Variants in CSTPP1 observed in about 807,000 individuals in gnomAD.
CSTPP1 encodes the protein centriolar satellite-associated tubulin polyglutamylase complex regulator 1, also known as UPF0705 protein C11orf49.
chr11:47,141,647 G>C, the CSTPP1 span, among the ~76,000 whole-genome samples: 1 of 149,264 alleles, frequency 6.7e-6, no homozygotes, highest in Admixed American at 6.7e-5. Flanking sequence ...TGTATATGTG[G>C]TCTTGGCCAG....
the CSTPP1 span, among the ~76,000 whole-genome samples, chr11:47,071,982 G>T: frequency 6.6e-6 from 1 of 152,226 alleles, no homozygotes. Context: ...CCCACTCTGT[G>T]GGAGAGGTTC....
At chr11:46,977,575 C>G in the CSTPP1 span, among the ~76,000 whole-genome samples, 5 of 152,196 alleles carry the variant, frequency 3.3e-5, no homozygotes, top group African/African-American at 9.7e-5. Flanking sequence ...CTTACTGGCC[C>G]TGCCATGCAA....
the CSTPP1 span, among the ~76,000 whole-genome samples, chr11:47,016,399 A>C: frequency 1.3e-3 from 25 of 19,632 alleles, no homozygotes; most frequent in Non-Finnish European, 2.4e-3. Context: ...ACAAAAAACA[A>C]AAAACAAAAA....
chr11:47,051,162 T>C, the CSTPP1 span, among the ~76,000 whole-genome samples: 4,323 of 152,090 alleles, frequency 0.028, 182 homozygotes, highest in African/African-American at 0.097. Context: ...TTACCATCGT[T>C]CCCCCCATTG....
chr11:47,091,540 T>C, the CSTPP1 span, among the ~76,000 whole-genome samples: 1 of 152,196 alleles, frequency 6.6e-6, no homozygotes, highest in Non-Finnish European at 1.5e-5. Context: ...TATACCTCCT[T>C]ATATATTTTC....
chr11:46,997,516 C>T, the CSTPP1 span, among the ~76,000 whole-genome samples: 7 of 152,300 alleles, frequency 4.6e-5, no homozygotes, highest in East Asian at 3.9e-4. Flanking sequence ...TCCTTTAGCT[C>T]GGAGAAGTTT....
the CSTPP1 span, among the ~76,000 whole-genome samples, chr11:47,088,765 C>T: frequency 6.6e-6 from 1 of 152,044 alleles, no homozygotes; most frequent in Non-Finnish European, 1.5e-5. Flanking sequence ...AGGCTGGTCT[C>T]GAACTCCTGA....
At chr11:47,052,253 T>C in the CSTPP1 span, 5 of 1,147,512 alleles carry the variant, frequency 4.4e-6, no homozygotes, top group Non-Finnish European at 6.1e-6. Context: ...CTAGGTCTAA[T>C]CTAGAGTTCA....
the CSTPP1 span, among the ~76,000 whole-genome samples, chr11:47,000,684 T>G: frequency 6.6e-6 from 1 of 152,160 alleles, no homozygotes; most frequent in Non-Finnish European, 1.5e-5. Context: ...TCTGTGCCTG[T>G]GTGTACTATG....
At chr11:47,093,355 A>C in the CSTPP1 span, among the ~76,000 whole-genome samples, 1 of 152,332 alleles carries the variant, frequency 6.6e-6, no homozygotes, top group African/African-American at 2.4e-5. Flanking sequence ...GACTTAATAC[A>C]ATAAGAACAG....
the CSTPP1 span, among the ~76,000 whole-genome samples, chr11:47,055,491 T>G: frequency 1.2e-3 from 187 of 152,164 alleles, no homozygotes; most frequent in African/African-American, 4.2e-3. Flanking sequence ...ACTGTAACTT[T>G]TCTAAATAGC....
the CSTPP1 span, among the ~76,000 whole-genome samples, chr11:47,022,358 C>CTTTT: frequency 2.1e-5 from 1 of 48,754 alleles, no homozygotes; most frequent in East Asian, 4.0e-4. Flanking sequence ...TTCATATGTC[C>CTTTT]TTTTTTTTTT....
chr11:47,146,833 T>G, the CSTPP1 span, among the ~76,000 whole-genome samples: 2 of 152,222 alleles, frequency 1.3e-5, no homozygotes, highest in Non-Finnish European at 2.9e-5. Flanking sequence ...TGGAATTCTT[T>G]CCAGCAGCTA....
At chr11:47,068,337 A>G in the CSTPP1 span, among the ~76,000 whole-genome samples, 2 of 152,186 alleles carry the variant, frequency 1.3e-5, no homozygotes, top group East Asian at 3.9e-4. Context: ...TTCAAGACCA[A>G]CCTGGCCAAC....
the CSTPP1 span, among the ~76,000 whole-genome samples, chr11:47,097,713 C>CTT: frequency 1.3e-5 from 1 of 79,004 alleles, no homozygotes; most frequent in Non-Finnish European, 2.8e-5. Context: ...TGGCCAGCCG[C>CTT]CCCGTCCGGG....
chr11:47,016,674 T>C, the CSTPP1 span, among the ~76,000 whole-genome samples: 9 of 152,154 alleles, frequency 5.9e-5, no homozygotes, highest in Non-Finnish European at 1.2e-4. Flanking sequence ...ATATCAGTTG[T>C]GGACAGGAGG....
At chr11:47,139,674 A>C in the CSTPP1 span, among the ~76,000 whole-genome samples, 3 of 145,900 alleles carry the variant, frequency 2.1e-5, no homozygotes, top group Non-Finnish European at 4.5e-5. Context: ...TGAACGTCAA[A>C]AAAAAAAAAA....
At chr11:47,161,364 G>T in the CSTPP1 span, 1 of 1,586,938 alleles carries the variant, frequency 6.3e-7, no homozygotes, top group Non-Finnish European at 8.5e-7. Context: ...TTTGGGGGCT[G>T]CAGCCCAGGG....
chr11:47,020,987 G>A, the CSTPP1 span, among the ~76,000 whole-genome samples: 1 of 152,112 alleles, frequency 6.6e-6, no homozygotes, highest in Non-Finnish European at 1.5e-5. Flanking sequence ...GGCAGTAGAT[G>A]GTATTATTCA....
Sources: allele counts gnomAD v4.1 joint callset (sites outside exome capture counted in the v4.1 genomes callset), GRCh38; gene constraint gnomAD v4.1.1; transcripts MANE v1.5; gene names NCBI Gene and HGNC (gene_info 2026-07-23, HGNC 2026-07-21).